Variants in PCCA observed in about 807,000 individuals in gnomAD.
PCCA encodes the protein propionyl-CoA carboxylase alpha chain, mitochondrial.
In PCCA, 74 loss-of-function variants were observed where a neutral mutation model predicts 101.3. That is an observed-to-expected ratio of 0.73 (90% CI 0.61 to 0.89). The LOEUF is 0.89. PCCA is among the 40% of genes least tolerant of loss of function. The probability of loss-of-function intolerance (pLI) is 0.00; values close to 1 mark genes in which losing one functional copy is unlikely to be tolerated. For missense variants in PCCA, 891 were observed against 907.0 expected (o/e 0.98, Z 0.23); for synonymous variants, 294 against 313.6 (o/e 0.94, Z 0.66).
chr13:100,348,216 T>C (rs1269075454), intron 18 of PCCA, among the ~76,000 whole-genome samples: 1 of 152,260 alleles, frequency 6.6e-6, no homozygotes, highest in East Asian at 1.9e-4. Context: ...TTGCTTGTTT[T>C]GGCTGCTGAT....
At chr13:100,367,474 G>A (rs2075265525) in intron 18 of PCCA, among the ~76,000 whole-genome samples, 1 of 150,896 alleles carries the variant, frequency 6.6e-6, no homozygotes, top group Non-Finnish European at 1.5e-5. Flanking sequence ...AAGTCATTTA[G>A]GGTTTTGTGT....
chr13:100,520,444 G>C (rs2087149928), intron 22 of PCCA, among the ~76,000 whole-genome samples: 1 of 151,926 alleles, frequency 6.6e-6, no homozygotes, highest in Non-Finnish European at 1.5e-5. Context: ...TCAGGAGATC[G>C]AGACCACGGT....
chr13:100,102,883 C>T lies in PCCA; in HGVS notation c.106C>T (p.His36Tyr), dbSNP rs775556766. 2 of 1,607,222 alleles carry T rather than the reference C, an allele frequency of 1.2e-6. No individual in the cohort carries two copies. The highest frequency in any genetic ancestry group is 1.7e-6 in the Non-Finnish European group (2 of 1,173,870). Reference sequence around the variant, plus strand: ...TTATTTTGCTTTCCTTTTTTTGTAGCATGTTCTGTACTATTCAAGACAGTG... The same window carrying T: ...TTATTTTGCTTTCCTTTTTTTGTAGTATGTTCTGTACTATTCAAGACAGTG... ...MLSAALRTLK[H>Y]VLYYSRQCLM... Residue 36 changes from histidine to tyrosine, a missense_variant and splice_region_variant, in exon 2 of 24, where the codon CAT becomes TAT. By Grantham distance (83) the His-to-Tyr change is moderately conservative. Transcript: ENST00000376285.
intron 16 of PCCA, 56 bp downstream of exon 16, chr13:100,309,964 A>G (rs1316101010): frequency 3.2e-6 from 4 of 1,237,804 alleles, no homozygotes; most frequent in East Asian, 4.6e-5. Flanking sequence ...AGTTCCAGAG[A>G]ACAGCCTGGG....
intron 21 of PCCA, among the ~76,000 whole-genome samples, chr13:100,466,426 C>T (rs543525516): frequency 5.9e-5 from 9 of 152,258 alleles, no homozygotes; most frequent in African/African-American, 1.9e-4. Context: ...CTTCCCAAGC[C>T]GGCATATGTT....
In PCCA at chr13:100,287,705, AG is replaced by A. The variant is rs527253487; in HGVS notation, c.1066-13753del. ...TTTTCTGTAGGCATGGCTCTCCTGG[AG>A]GTTTCATCTTACTTGTGTATTTTAT... is the stretch of plus-strand genomic sequence containing the variant. On this transcript the variant is annotated intron_variant, in intron 12 of 23. Coordinates refer to ENST00000376285, the MANE Select transcript of PCCA (RefSeq NM_000282.4). 9.2e-4 allele frequency among the ~76,000 whole-genome samples: 140 copies of A among 152,170 alleles called. 1 individual carries two copies. Among genetic ancestry groups the A allele is most frequent in the African/African-American group, 3.1e-3 (130 of 41,534 alleles).
intron 8 of PCCA, among the ~76,000 whole-genome samples, chr13:100,256,300 C>G (rs1407506536): frequency 6.6e-6 from 1 of 152,126 alleles, no homozygotes; most frequent in Non-Finnish European, 1.5e-5. Context: ...CCACTGTGCC[C>G]AGCCTAAATG....
intron 7 of PCCA, among the ~76,000 whole-genome samples, chr13:100,227,546 T>A (rs2060214164): frequency 6.6e-6 from 1 of 152,208 alleles, no homozygotes; most frequent in Non-Finnish European, 1.5e-5. Flanking sequence ...AATAGAGGAA[T>A]AAGAGGAATA....
chr13:100,521,730 T>C (rs2087314773), intron 22 of PCCA, among the ~76,000 whole-genome samples: 1 of 152,184 alleles, frequency 6.6e-6, no homozygotes, highest in African/African-American at 2.4e-5. Context: ...GGCCTTAAAA[T>C]GTGTGGCATT....
rs150329897 is a variant in PCCA, at chr13:100,330,937, G to A, written c.1540+266G>A. Among the ~76,000 whole-genome samples the A allele has an allele frequency of 3.7e-3, 567 of 152,232 alleles. 1 individual carries two copies. The highest frequency in any genetic ancestry group is 0.01 in the Middle Eastern group (3 of 294). ...TGTTTTGGAGCAAAACATGTAGATA[G>A]ATCATTAGCCTACCTGACTTCCTGG... On this transcript the variant is annotated intron_variant, in intron 17 of 23. Coordinates refer to ENST00000376285, the MANE Select transcript of PCCA (RefSeq NM_000282.4).
chr13:100,512,161 A>G (rs1024900538), intron 21 of PCCA, among the ~76,000 whole-genome samples: 8 of 152,120 alleles, frequency 5.3e-5, no homozygotes, highest in African/African-American at 1.9e-4. Context: ...AGTTTTAAAA[A>G]CAATCCCACT....
intron 17 of PCCA, among the ~76,000 whole-genome samples, chr13:100,333,839 G>A (rs987482358): frequency 6.6e-6 from 1 of 151,938 alleles, no homozygotes; most frequent in Non-Finnish European, 1.5e-5. Flanking sequence ...TTTTTCCACT[G>A]AATTTAGTCA....
intron 21 of PCCA, among the ~76,000 whole-genome samples, chr13:100,452,918 T>C (rs1469463279): frequency 6.6e-6 from 1 of 151,906 alleles, no homozygotes; most frequent in Non-Finnish European, 1.5e-5. Flanking sequence ...AGAAAGGAAA[T>C]ACAGGCCTGG....
intron 22 of PCCA, among the ~76,000 whole-genome samples, chr13:100,525,708 T>G (rs2087743436): frequency 6.6e-6 from 1 of 152,194 alleles, no homozygotes; most frequent in African/African-American, 2.4e-5. Flanking sequence ...AGGGCACACC[T>G]ACTGGCAGAG....
chr13:100,401,014 T>C (rs1282401617), intron 19 of PCCA, among the ~76,000 whole-genome samples: 2 of 152,160 alleles, frequency 1.3e-5, no homozygotes, highest in Non-Finnish European at 2.9e-5. Flanking sequence ...TTAGGACTTT[T>C]TAGAATATGT....
At chr13:100,166,524 C>A (rs1231950586) in intron 6 of PCCA, among the ~76,000 whole-genome samples, 1 of 152,192 alleles carries the variant, frequency 6.6e-6, no homozygotes, top group Non-Finnish European at 1.5e-5. Flanking sequence ...GTTTCGAACT[C>A]CTGGCCTCAA....
chr13:100,521,896 G>T (rs765028844), intron 22 of PCCA, among the ~76,000 whole-genome samples: 3 of 152,196 alleles, frequency 2.0e-5, no homozygotes, highest in Non-Finnish European at 2.9e-5. Flanking sequence ...AGCCCTCCGA[G>T]CCTTCTGTCT....
Position 100,502,920 on chromosome 13 carries a change from T to G in PCCA, c.1900-12507T>G, listed in dbSNP as rs193115327. 2.6e-5 allele frequency among the ~76,000 whole-genome samples: 4 copies of G among 152,272 alleles called. No homozygotes were observed. In the East Asian group the frequency reaches 7.7e-4, roughly 29 times the overall value. ...GACGGCAGAGGACAGGAATTTTCAG[T>G]GCAGCGTTGGGAAAGGTTGTGGAAG... On this transcript the variant is annotated intron_variant, in intron 21 of 23. Transcript: ENST00000376285.
chr13:100,205,661 T>C (rs2152471748), intron 6 of PCCA, among the ~76,000 whole-genome samples: 1 of 151,034 alleles, frequency 6.6e-6, no homozygotes, highest in East Asian at 2.0e-4. Context: ...TAATCAGAAG[T>C]TTTACTGTAT....
Sources: allele counts gnomAD v4.1 joint callset (sites outside exome capture counted in the v4.1 genomes callset), GRCh38; gene constraint gnomAD v4.1.1; transcripts MANE v1.5; gene names NCBI Gene and HGNC (gene_info 2026-07-23, HGNC 2026-07-21).